TANK: variants seen among roughly 807,000 people sequenced by gnomAD.
The protein encoded by TANK is TRAF family member-associated NF-kappa-B activator.
A neutral mutation model predicts 43.6 loss-of-function variants in TANK; 15 were observed. The ratio of observed to expected loss-of-function variants is 0.34; its 90% CI spans 0.23 to 0.53. The LOEUF (loss-of-function observed/expected upper bound fraction) is 0.53, where lower values mean the gene tolerates loss of function less well. Among genes scored for constraint, TANK ranks in the 20% least tolerant of loss-of-function variants. The pLI, the probability that TANK is intolerant of heterozygous loss-of-function variation, is 0.94. For missense variants in TANK, 417 were observed against 498.6 expected (o/e 0.84, Z 1.56); for synonymous variants, 162 against 178.2 (o/e 0.91, Z 0.73).
intron 2 of TANK, among the ~76,000 whole-genome samples, chr2:161,183,399 T>C (rs189460472): frequency 1.3e-5 from 2 of 152,254 alleles, no homozygotes; most frequent in East Asian, 3.9e-4. Context: ...ACTACTTTTG[T>C]AGAAAGCAAA....
chr2:161,196,482 G>A (rs765658930), intron 2 of TANK, among the ~76,000 whole-genome samples: 14 of 152,112 alleles, frequency 9.2e-5, no homozygotes, highest in Non-Finnish European at 1.8e-4. Flanking sequence ...TTAGGGGCTT[G>A]GGCTTTGTAT....
intron 1 of TANK, chr2:161,160,770 C>G (rs1285748621): frequency 1.8e-6 from 1 of 562,254 alleles, no homozygotes; most frequent in African/African-American, 1.9e-5. Context: ...GGGAGGGACT[C>G]GTCCCGGCTG....
rs1270112436 is a variant in TANK at position 161,220,723 on chromosome 2, A to AT, written c.328-3186dup. ...TTTATTTCTTTTCTGTATCTTTCCA[A>AT]TTTTTTATAAAAGGAATAAAATAAT... On this transcript the variant is annotated intron_variant, in intron 4 of 7. Transcript: ENST00000392749. Among the ~76,000 whole-genome samples, 6 of 152,156 alleles carry AT rather than the reference A, an allele frequency of 3.9e-5. 1 individual carries two copies. Among genetic ancestry groups the AT allele is most frequent in the African/African-American group, 1.4e-4 (6 of 41,430 alleles).
intron 7 of TANK, among the ~76,000 whole-genome samples, chr2:161,234,942 T>C (rs1688107412): frequency 6.6e-6 from 1 of 152,208 alleles, no homozygotes; most frequent in South Asian, 2.1e-4. Flanking sequence ...TTGTGTACTA[T>C]GTAATTAATA....
At chr2:161,160,675 TC>T (rs912311844) in intron 1 of TANK, 189 bp downstream of exon 1, 2 of 451,824 alleles carry the variant, frequency 4.4e-6, no homozygotes, top group Non-Finnish European at 7.9e-6. Context: ...CGCGAGTCCT[TC>T]CCCCGGAGCG....
rs186978942 is a variant in TANK, at chr2:161,213,356, A to G, written c.327+8563A>G. ...AGTGGCTCACGCCTGTAATCTCAACATTTTGGGAGGCCAAGGTGGGTGGAT... is the reference window on the plus strand; with the variant it reads ...AGTGGCTCACGCCTGTAATCTCAACGTTTTGGGAGGCCAAGGTGGGTGGAT... On this transcript the variant is annotated intron_variant, in intron 4 of 7. Coordinates refer to ENST00000392749, the MANE Select transcript of TANK (RefSeq NM_001199135.3). Among the ~76,000 whole-genome samples, 412 of 152,304 alleles carry G rather than the reference A, an allele frequency of 2.7e-3. 3 individuals are homozygous for G. Among genetic ancestry groups the G allele is most frequent in the African/African-American group, 9.7e-3 (403 of 41,572 alleles).
chr2:161,196,553 G>A (rs1178631113), intron 2 of TANK, among the ~76,000 whole-genome samples: 1 of 152,018 alleles, frequency 6.6e-6, no homozygotes, highest in Non-Finnish European at 1.5e-5. Flanking sequence ...TAATAATTAA[G>A]ATTAAAATTG....
At chr2:161,171,501 T>C (rs973732134) in intron 1 of TANK, among the ~76,000 whole-genome samples, 5 of 152,178 alleles carry the variant, frequency 3.3e-5, no homozygotes, top group African/African-American at 1.2e-4. Flanking sequence ...TATGAAGAGC[T>C]GTAGAGTCCT....
chr2:161,226,971 A>G (rs1016440488), intron 6 of TANK: 1 of 20,534 alleles, frequency 4.9e-5, no homozygotes, highest in African/African-American at 7.8e-5. Context: ...GGAAATCTAA[A>G]AATATTTCCC....
intron 2 of TANK, among the ~76,000 whole-genome samples, chr2:161,186,499 A>C (rs1229305819): frequency 2.0e-5 from 3 of 152,224 alleles, no homozygotes; most frequent in African/African-American, 7.2e-5. Flanking sequence ...ATACAGAAGA[A>C]TGAAAGTAGA....
intron 1 of TANK, chr2:161,161,083 A>G (rs1209142956): frequency 1.1e-6 from 1 of 886,404 alleles, no homozygotes; most frequent in African/African-American, 1.7e-5. Flanking sequence ...AACCCCGCCC[A>G]CAGTGGGAAC....
chr2:161,228,261 G>A (rs564239906), intron 6 of TANK, among the ~76,000 whole-genome samples: 24 of 152,370 alleles, frequency 1.6e-4, no homozygotes, highest in African/African-American at 5.3e-4. Flanking sequence ...CCCAGGCACA[G>A]TGGCTCATGC....
At chr2:161,197,210 T>G (rs1403356901) in intron 2 of TANK, 1 of 152,238 alleles carries the variant, frequency 6.6e-6, no homozygotes, top group African/African-American at 2.4e-5. Context: ...GTTATTTGAA[T>G]TTTTCAACAA....
rs11395042 is a variant in TANK, at chr2:161,153,687, C to CAAAA, written c.-50+16645_-50+16648dup. Among the ~76,000 whole-genome samples, 58 of 76,278 alleles carry CAAAA rather than the reference C, an allele frequency of 7.6e-4. 1 individual carries two copies. Among genetic ancestry groups the CAAAA allele is most frequent in the East Asian group, 7.5e-3 (21 of 2,800 alleles). The allele number at this position is 76,278 out of a possible 152,430, so 50.0% of individuals were successfully genotyped here. On this transcript the variant is annotated intron_variant, in intron 1 of 7. Coordinates refer to the TANK transcript ENST00000259075. ...GGGTGACAACAGTGAGGCCCTGTCTCAAAAAAAAAAAAAAAAAAAAAAAAT... is the reference window on the plus strand; with the variant it reads ...GGGTGACAACAGTGAGGCCCTGTCTCAAAAAAAAAAAAAAAAAAAAAAAAAAAAT...
At chr2:161,212,808 A>C in intron 4 of TANK, 1 of 980,070 alleles carries the variant, frequency 1.0e-6, no homozygotes. Context: ...ATAGGTAAGG[A>C]ATAGCCCCCT....
chr2:161,220,857 T>C (rs1687310495), intron 4 of TANK, among the ~76,000 whole-genome samples: 1 of 152,204 alleles, frequency 6.6e-6, no homozygotes, highest in Non-Finnish European at 1.5e-5. Context: ...CAAAAACATT[T>C]TTGATTATTT....
intron 1 of TANK, among the ~76,000 whole-genome samples, chr2:161,153,335 C>T (rs1339262220): frequency 6.6e-6 from 1 of 151,826 alleles, no homozygotes; most frequent in African/African-American, 2.4e-5. Flanking sequence ...ATATAGAGGC[C>T]TTCTCAGTAT....
chr2:161,145,669 TAG>T (rs1347924984), intron 1 of TANK, among the ~76,000 whole-genome samples: 2 of 152,100 alleles, frequency 1.3e-5, no homozygotes, highest in Non-Finnish European at 2.9e-5. Flanking sequence ...TTCTGGCTTG[TAG>T]AGTTTCTGCT....
chr2:161,224,104 A>G, intron 5 of TANK, 113 bp downstream of exon 5: 1 of 707,630 alleles, frequency 1.4e-6, no homozygotes, highest in Non-Finnish European at 2.2e-6. Flanking sequence ...TTTTAGAATA[A>G]GTGGAAGTGA....
Sources: allele counts gnomAD v4.1 joint callset (sites outside exome capture counted in the v4.1 genomes callset), GRCh38; gene constraint gnomAD v4.1.1; transcripts MANE v1.5; gene names NCBI Gene and HGNC (gene_info 2026-07-23, HGNC 2026-07-21).